Variants in CARMIL1 observed in about 807,000 individuals in gnomAD.
CARMIL1 encodes the protein F-actin-uncapping protein LRRC16A.
In CARMIL1, 90 loss-of-function variants were observed where a neutral mutation model predicts 177.1. That is an observed-to-expected ratio of 0.51 (90% confidence interval 0.43 to 0.61). The LOEUF is 0.61. Ranked by LOEUF, CARMIL1 falls within the 20% of genes least tolerant of loss-of-function variation. CARMIL1 has a pLI of 0.00. For missense variants in CARMIL1, 1,380 were observed against 1,667.0 expected, an observed-to-expected ratio of 0.83 and a Z score of 3.00; for synonymous variants, 577 against 606.2, an observed-to-expected ratio of 0.95 and a Z score of 0.71.
intron 2 of CARMIL1, among the ~76,000 whole-genome samples, chr6:25,390,320 A>ATATATATTTTTTTTT (rs1554184839): frequency 3.4e-5 from 2 of 58,102 alleles, no homozygotes; most frequent in Non-Finnish European, 6.7e-5. Context: ...ATATATATAT[A>ATATATATTTTTTTTT]TTTTTTTTTT....
At chr6:25,534,119 C>CTT (rs753011177) in intron 24 of CARMIL1, among the ~76,000 whole-genome samples, 5 of 143,624 alleles carry the variant, frequency 3.5e-5, no homozygotes, top group Non-Finnish European at 7.6e-5. Context: ...CCTTCTACGT[C>CTT]TTTTTTTTTT....
intron 12 of CARMIL1, among the ~76,000 whole-genome samples, chr6:25,487,540 A>G (rs1802788007): frequency 6.6e-6 from 1 of 152,222 alleles, no homozygotes; most frequent in African/African-American, 2.4e-5. Flanking sequence ...ATAATTTGGA[A>G]CCATGGACTT....
At chr6:25,405,826 A>C (rs1406707336) in intron 2 of CARMIL1, among the ~76,000 whole-genome samples, 1 of 152,222 alleles carries the variant, frequency 6.6e-6, no homozygotes, top group Non-Finnish European at 1.5e-5. Flanking sequence ...TTAAACAGGA[A>C]GGATGTGTCA....
intron 2 of CARMIL1, among the ~76,000 whole-genome samples, chr6:25,296,883 A>AAAGGAGCTGGAATACTC (rs1782401492): frequency 6.9e-6 from 1 of 144,816 alleles, no homozygotes; most frequent in Non-Finnish European, 1.5e-5. Flanking sequence ...TCTTATAAGA[A>AAAGGAGCTGGAATACTC]TATCTATCTT....
intron 7 of CARMIL1, 92 bp downstream of exon 7, chr6:25,450,501 T>C (rs1449751302): frequency 2.4e-6 from 3 of 1,230,570 alleles, no homozygotes; most frequent in Admixed American, 2.1e-5. Flanking sequence ...TTTCCCTTCA[T>C]TTATTTTTCA....
intron 2 of CARMIL1, among the ~76,000 whole-genome samples, chr6:25,354,732 T>G (rs990633152): frequency 6.6e-6 from 1 of 152,056 alleles, no homozygotes; most frequent in African/African-American, 2.4e-5. Context: ...GAAACTTGAG[T>G]TGGGAAGGAA....
chr6:25,531,329 T>G (rs1005673301), intron 24 of CARMIL1, among the ~76,000 whole-genome samples: 1 of 13,570 alleles, frequency 7.4e-5, no homozygotes, highest in African/African-American at 8.2e-4. Flanking sequence ...TGTTGCTTCT[T>G]CTTTGAAAGA....
intron 2 of CARMIL1, among the ~76,000 whole-genome samples, chr6:25,404,270 C>T (rs1368296861): frequency 6.6e-6 from 1 of 152,200 alleles, no homozygotes; most frequent in Non-Finnish European, 1.5e-5. Context: ...TGGGGCTTCC[C>T]ATGTTGGCTG....
chr6:25,357,646 C>G (rs1321048408), intron 2 of CARMIL1, among the ~76,000 whole-genome samples: 1 of 152,064 alleles, frequency 6.6e-6, no homozygotes, highest in Non-Finnish European at 1.5e-5. Context: ...GATTCCAATT[C>G]TTTAATTTTA....
chr6:25,491,682 T>C (rs751046773), intron 13 of CARMIL1, 50 bp from the exon 14 acceptor site: 1 of 1,162,488 alleles, frequency 8.6e-7, no homozygotes, highest in Non-Finnish European at 1.3e-6. Flanking sequence ...GCATTGTGTG[T>C]ATGTGTGTGT....
intron 4 of CARMIL1, among the ~76,000 whole-genome samples, chr6:25,428,400 A>G (rs1796452304): frequency 6.6e-6 from 1 of 152,080 alleles, no homozygotes; most frequent in South Asian, 2.1e-4. Flanking sequence ...TCTTCATGCC[A>G]CTCTTATACT....
intron 2 of CARMIL1, among the ~76,000 whole-genome samples, chr6:25,374,493 T>C (rs1790786673): frequency 1.3e-5 from 2 of 152,250 alleles, no homozygotes; most frequent in South Asian, 2.1e-4. Context: ...GAAGAACGTA[T>C]ATTTTGCAGT....
At chr6:25,415,229 C>A (rs79137076) in intron 2 of CARMIL1, among the ~76,000 whole-genome samples, 3,433 of 152,040 alleles carry the variant, frequency 0.023, 116 homozygotes, top group African/African-American at 0.072. Context: ...GTGGCACCAT[C>A]GTAGCTCACT....
At chr6:25,427,909 A>T (rs185286059) in intron 4 of CARMIL1, among the ~76,000 whole-genome samples, 212 of 151,986 alleles carry the variant, frequency 1.4e-3, no homozygotes, top group African/African-American at 5.0e-3. Context: ...TTGAGTTTTT[A>T]AAAAAATACA....
chr6:25,420,043 C>G, intron 2 of CARMIL1, 71 bp from the exon 3 acceptor site: 1 of 1,174,252 alleles, frequency 8.5e-7, no homozygotes, highest in Non-Finnish European at 1.3e-6. Flanking sequence ...ATTAAAGTCC[C>G]GTGGAAACAC....
rs574304073 is a variant in CARMIL1, at chr6:25,590,340, T to C, written c.3007-4075T>C. Among the ~76,000 whole-genome samples the C allele has an allele frequency of 2.1e-4, 32 of 152,344 alleles. No individual in the cohort carries two copies. In the East Asian group the frequency reaches 6.0e-3, roughly 28 times the overall value. ...TCTAGTGTTATAACATTTTTAGTCA[T>C]GAGTTTTTGCTTTGTTTTAATACAC... On this transcript the variant is annotated intron_variant, in intron 31 of 36. Transcript: ENST00000329474.
rs1805233302 is a variant in CARMIL1, at chr6:25,509,279, A to C, written c.1396-377A>C. Among the ~76,000 whole-genome samples the C allele has an allele frequency of 6.6e-6, 1 of 152,206 alleles. No homozygotes were observed. Among genetic ancestry groups the C allele is most frequent in the African/African-American group, 2.4e-5 (1 of 41,456 alleles). ...TACACCTTGGAATCGGTAACAGTCA[A>C]ATAAAACAGTAACTTTCTCATGTAT... is the stretch of plus-strand genomic sequence containing the variant. On this transcript the variant is annotated intron_variant, in intron 17 of 36. Coordinates refer to ENST00000329474, the MANE Select transcript of CARMIL1 (RefSeq NM_017640.6). This position sits in a 1 kb window ranked among gnomAD's most constrained non-coding sequence, Gnocchi z 4.1.
At chr6:25,351,637 C>G (rs1375015304) in intron 2 of CARMIL1, among the ~76,000 whole-genome samples, 1 of 152,168 alleles carries the variant, frequency 6.6e-6, no homozygotes, top group Non-Finnish European at 1.5e-5. Flanking sequence ...CATGGTGTGG[C>G]AGTGTTACAC....
At chr6:25,461,891 CTT>C (rs1240604360) in intron 8 of CARMIL1, among the ~76,000 whole-genome samples, 8 of 151,998 alleles carry the variant, frequency 5.3e-5, no homozygotes, top group Non-Finnish European at 8.8e-5. Flanking sequence ...CCGTGCATCT[CTT>C]TTTGGTTTTT....
Sources: gnomAD v4.1 joint callset for allele counts (sites outside exome capture counted in the v4.1 genomes callset) on GRCh38, gnomAD v4.1.1 for gene constraint, Gnocchi (gnomAD v3.1) non-coding constraint, MANE v1.5 for transcripts, NCBI Gene and HGNC (gene_info 2026-07-23, HGNC 2026-07-21) for gene names.